SLC35F4: variants seen among roughly 807,000 people sequenced by gnomAD.
The protein encoded by SLC35F4 is solute carrier family 35 member F4, also known as chromosome 14 open reading frame 36.
In SLC35F4, 24 loss-of-function variants were observed where a neutral mutation model predicts 44.2. The ratio of observed to expected loss-of-function variants is 0.54; its 90% CI spans 0.39 to 0.76. SLC35F4 has a LOEUF of 0.76. Ranked by LOEUF, SLC35F4 falls within the 30% of genes least tolerant of loss-of-function variation. The probability of loss-of-function intolerance (pLI) is 0.00; values close to 1 mark genes in which losing one functional copy is unlikely to be tolerated. For missense variants in SLC35F4, 562 were observed against 586.1 expected, an observed-to-expected ratio of 0.96 and a Z score of 0.42; for synonymous variants, 238 against 223.6, an observed-to-expected ratio of 1.06 and a Z score of -0.57.
intron 1 of SLC35F4, among the ~76,000 whole-genome samples, chr14:57,937,579 A>G (rs982997821): frequency 1.6e-5 from 2 of 127,426 alleles, no homozygotes; most frequent in Admixed American, 9.1e-5. Context: ...GAAAAGAGAA[A>G]AGAAAAGAAA....
At chr14:57,777,608 CACAA>C (rs796837476) in intron 1 of SLC35F4, among the ~76,000 whole-genome samples, 45 of 151,968 alleles carry the variant, frequency 3.0e-4, no homozygotes, top group African/African-American at 1.0e-3. Flanking sequence ...CAGGGAACAT[CACAA>C]ACAGAGAGGC....
chr14:57,739,929 G>C (rs1260220674), intron 1 of SLC35F4, among the ~76,000 whole-genome samples: 1 of 152,124 alleles, frequency 6.6e-6, no homozygotes, highest in African/African-American at 2.4e-5. Flanking sequence ...GTGTGATCTT[G>C]GCTCACCGAA....
At chr14:57,960,759 A>G (rs1405773487) in intron 1 of SLC35F4, among the ~76,000 whole-genome samples, 1 of 152,178 alleles carries the variant, frequency 6.6e-6, no homozygotes, top group African/African-American at 2.4e-5. Context: ...TCCACAGCAT[A>G]AGAAATCAAG....
rs1165286345 is a variant in SLC35F4, at chr14:57,563,932, G to A, written c.*203C>T. ...ATCAGAAAACAGAACAAGGACAAAT[G>A]TGTTTTAATAAAAAAATCCATTATG... On this transcript the variant is annotated 3_prime_UTR_variant, in exon 8 of 8. Coordinates refer to ENST00000556826, the MANE Select transcript of SLC35F4 (RefSeq NM_001306087.2). 1 of 589,840 alleles carries A rather than the reference G, an allele frequency of 1.7e-6. No homozygotes were observed. Among genetic ancestry groups the A allele is most frequent in the Non-Finnish European group, 2.8e-6 (1 of 360,938 alleles). 36.5% of individuals were successfully genotyped at this position (589,840 alleles called of 1,614,324 possible).
chr14:57,860,656 C>T (rs1239153646), intron 1 of SLC35F4, among the ~76,000 whole-genome samples: 1 of 152,096 alleles, frequency 6.6e-6, no homozygotes, highest in African/African-American at 2.4e-5. Flanking sequence ...GAATACTCAC[C>T]CCAAAAATAT....
chr14:57,666,780 G>C (rs2074323249), intron 1 of SLC35F4, among the ~76,000 whole-genome samples: 1 of 151,724 alleles, frequency 6.6e-6, no homozygotes, highest in East Asian at 1.9e-4. Context: ...TATCAGGGCA[G>C]TTTCAAAAGG....
chr14:57,888,198 G>A (rs974267219), intron 1 of SLC35F4, among the ~76,000 whole-genome samples: 1 of 152,050 alleles, frequency 6.6e-6, no homozygotes, highest in African/African-American at 2.4e-5. Flanking sequence ...TTGGAGTTCA[G>A]ACCAACTACT....
intron 1 of SLC35F4, among the ~76,000 whole-genome samples, chr14:57,767,184 CAG>C: frequency 6.6e-6 from 1 of 152,204 alleles, no homozygotes; most frequent in Middle Eastern, 3.4e-3. Flanking sequence ...AAGTACTAGA[CAG>C]AAAATCAGCA....
chr14:57,951,064 CAGA>C (rs1268325001), intron 1 of SLC35F4, among the ~76,000 whole-genome samples: 2 of 152,112 alleles, frequency 1.3e-5, no homozygotes, highest in Non-Finnish European at 2.9e-5. Flanking sequence ...GAGATCAACC[CAGA>C]AGGAGGGTGA....
chr14:57,943,684 G>A (rs1367040134), intron 1 of SLC35F4, among the ~76,000 whole-genome samples: 2 of 152,168 alleles, frequency 1.3e-5, no homozygotes, highest in African/African-American at 2.4e-5. Context: ...ATGTCTGCAC[G>A]GATCATGGAT....
intron 1 of SLC35F4, among the ~76,000 whole-genome samples, chr14:57,829,182 A>G (rs2140931442): frequency 6.6e-6 from 1 of 152,348 alleles, no homozygotes; most frequent in South Asian, 2.1e-4. Context: ...CAGGACCACC[A>G]GGGGCAGAAG....
chr14:57,609,800 T>C (rs1362228685), intron 1 of SLC35F4, among the ~76,000 whole-genome samples: 1 of 152,210 alleles, frequency 6.6e-6, no homozygotes, highest in Non-Finnish European at 1.5e-5. Flanking sequence ...CATTACCTTC[T>C]AAACATTCCT....
intron 1 of SLC35F4, among the ~76,000 whole-genome samples, chr14:57,613,887 A>T (rs2071653874): frequency 6.6e-6 from 1 of 152,194 alleles, no homozygotes; most frequent in African/African-American, 2.4e-5. Context: ...AGTTGTTGTA[A>T]GGAGTAGATG....
At chr14:57,772,126 T>A (rs1372206685) in intron 1 of SLC35F4, among the ~76,000 whole-genome samples, 1 of 152,228 alleles carries the variant, frequency 6.6e-6, no homozygotes, top group African/African-American at 2.4e-5. Context: ...TAATATAATA[T>A]GCTGTGCTAT....
chr14:57,654,430 T>C (rs1202363075), intron 1 of SLC35F4, among the ~76,000 whole-genome samples: 1 of 152,212 alleles, frequency 6.6e-6, no homozygotes, highest in Non-Finnish European at 1.5e-5. Context: ...TTTCACTCTT[T>C]TTTATGGCTG....
At chr14:57,759,673 G>C (rs2077077680) in intron 1 of SLC35F4, among the ~76,000 whole-genome samples, 1 of 152,118 alleles carries the variant, frequency 6.6e-6, no homozygotes, top group Non-Finnish European at 1.5e-5. Flanking sequence ...GGTTTCCAAT[G>C]TCTCCAAACT....
chr14:57,569,633 C>G (rs1195489663), intron 6 of SLC35F4, among the ~76,000 whole-genome samples, 155 bp downstream of exon 6: 1 of 152,118 alleles, frequency 6.6e-6, no homozygotes, highest in East Asian at 1.9e-4. Flanking sequence ...CAGTAGCTTG[C>G]AAAGAACCTT....
At chr14:57,740,358 T>C (rs935165687) in intron 1 of SLC35F4, among the ~76,000 whole-genome samples, 2 of 152,210 alleles carry the variant, frequency 1.3e-5, no homozygotes, top group Non-Finnish European at 2.9e-5. Flanking sequence ...AGTTACTTAA[T>C]TGTATTTCTA....
chr14:57,805,645 G>A (rs1304772860), intron 1 of SLC35F4, among the ~76,000 whole-genome samples: 1 of 152,136 alleles, frequency 6.6e-6, no homozygotes, highest in East Asian at 1.9e-4. Context: ...GGGAGAGAGA[G>A]CATCAGGAAG....
Sources: gnomAD v4.1 joint callset for allele counts (sites outside exome capture counted in the v4.1 genomes callset) on GRCh38, gnomAD v4.1.1 for gene constraint, MANE v1.5 for transcripts, NCBI Gene and HGNC (gene_info 2026-07-23, HGNC 2026-07-21) for gene names.